The following NRG3 variants were observed in gnomAD, a reference collection of about 807,000 sequenced individuals.
NRG3 encodes the protein pro-neuregulin-3, membrane-bound isoform.
A neutral mutation model predicts 66.9 loss-of-function variants in NRG3; 31 were observed. The observed-to-expected ratio is 0.46, with a 90% CI of 0.35 to 0.63. The LOEUF is 0.63. Ranked by LOEUF, NRG3 falls within the 20% of genes least tolerant of loss-of-function variation. The pLI, the probability that NRG3 is intolerant of heterozygous loss-of-function variation, is 0.00. For missense variants in NRG3, 910 were observed against 878.9 expected (o/e 1.04, Z -0.45); for synonymous variants, 393 against 359.4 (o/e 1.09, Z -1.06).
chr10:82,423,987 G>A (rs1332367432), intron 2 of NRG3, among the ~76,000 whole-genome samples: 1 of 151,944 alleles, frequency 6.6e-6, no homozygotes, highest in Non-Finnish European at 1.5e-5. Flanking sequence ...CCTTTTATGA[G>A]TGAATAATAT....
intron 1 of NRG3, among the ~76,000 whole-genome samples, chr10:81,951,200 G>T (rs1314993293): frequency 1.3e-5 from 2 of 152,098 alleles, no homozygotes; most frequent in Admixed American, 1.3e-4. Flanking sequence ...GCATTGATCA[G>T]GAAGGGCCAA....
chr10:82,028,626 G>T (rs1358760561), intron 1 of NRG3, among the ~76,000 whole-genome samples: 1 of 152,016 alleles, frequency 6.6e-6, no homozygotes, highest in Non-Finnish European at 1.5e-5. Flanking sequence ...ACAGTGCAAA[G>T]CAACATTCTG....
At chr10:82,904,561 C>G (rs1844539598) in intron 4 of NRG3, among the ~76,000 whole-genome samples, 1 of 152,102 alleles carries the variant, frequency 6.6e-6, no homozygotes, top group Admixed American at 6.5e-5. Context: ...TTTGTTGAAA[C>G]AGTATTCCTC....
chr10:81,979,212 AT>A lies in NRG3; in HGVS notation c.823+103052del, dbSNP rs1396181831. Reference sequence around the variant, plus strand: ...CAAAAAAAAAAAAAAAAAAAAAAAAATTTCCTGTCTGTCTGAATTCAGGAAC... The same window carrying A: ...CAAAAAAAAAAAAAAAAAAAAAAAAATTCCTGTCTGTCTGAATTCAGGAAC... On this transcript the variant is annotated intron_variant, in intron 1 of 8. Coordinates refer to ENST00000372141, the MANE Select transcript of NRG3 (RefSeq NM_001010848.4). 3.6e-5 allele frequency among the ~76,000 whole-genome samples: 5 copies of A among 140,322 alleles called. No homozygotes were observed. In the East Asian group the frequency reaches 6.7e-4, roughly 19 times the overall value. 92.1% of individuals were successfully genotyped at this position (140,322 alleles called of 152,430 possible). A position where few individuals can be genotyped will look rare whatever the true frequency, so the allele number is the denominator to read the frequency against.
chr10:82,975,270 C>T lies in NRG3; in HGVS notation c.1412+1355C>T, dbSNP rs1003733317. On this transcript the variant is annotated intron_variant, in intron 7 of 8. Transcript: ENST00000372141. ...GTATTTTCTCCTCCTGATTATGACA[C>T]GTTAAAGTAGTATTCCACCTAGTCA... 3.3e-5 allele frequency among the ~76,000 whole-genome samples: 5 copies of T among 152,252 alleles called. No homozygotes were observed. The East Asian group carries it at 5.8e-4, about 18-fold the overall frequency.
chr10:82,443,848 A>G (rs77451179), intron 2 of NRG3, among the ~76,000 whole-genome samples: 58 of 152,342 alleles, frequency 3.8e-4, no homozygotes, highest in African/African-American at 1.4e-3. Context: ...CTATGATGTG[A>G]TAAACACAGA....
intron 1 of NRG3, among the ~76,000 whole-genome samples, chr10:82,285,056 G>A (rs895733135): frequency 6.6e-6 from 1 of 152,112 alleles, no homozygotes; most frequent in African/African-American, 2.4e-5. Flanking sequence ...TATTTGTTTG[G>A]CTGATGCCAT....
chr10:81,897,730 T>C (rs1006070518), intron 1 of NRG3, among the ~76,000 whole-genome samples: 4 of 152,084 alleles, frequency 2.6e-5, no homozygotes, highest in Non-Finnish European at 2.9e-5. Context: ...GGAATAGACA[T>C]CTATTGAAAG....
chr10:82,160,168 T>G (rs1489515995), intron 1 of NRG3, among the ~76,000 whole-genome samples: 2 of 151,976 alleles, frequency 1.3e-5, no homozygotes, highest in East Asian at 3.9e-4. Context: ...CAATCCATTT[T>G]ACCTACCTAA....
intron 4 of NRG3, among the ~76,000 whole-genome samples, chr10:82,935,535 C>T (rs112133802): frequency 7.4e-4 from 112 of 152,228 alleles, no homozygotes; most frequent in African/African-American, 2.6e-3. Context: ...ATAAACAACG[C>T]CCATGACTTA....
chr10:82,295,973 G>C (rs188296318), intron 1 of NRG3, among the ~76,000 whole-genome samples: 1 of 152,116 alleles, frequency 6.6e-6, no homozygotes, highest in Non-Finnish European at 1.5e-5. Flanking sequence ...ACTATAGTAA[G>C]TGCTGTGAAG....
At chr10:82,321,092 A>G (rs2081544335) in intron 1 of NRG3, among the ~76,000 whole-genome samples, 1 of 152,240 alleles carries the variant, frequency 6.6e-6, no homozygotes, top group Admixed American at 6.5e-5. Context: ...AGCTGTCTGC[A>G]GATAGCAGAG....
At chr10:82,598,365 G>A (rs747162583) in intron 2 of NRG3, among the ~76,000 whole-genome samples, 1 of 152,198 alleles carries the variant, frequency 6.6e-6, no homozygotes, top group African/African-American at 2.4e-5. Context: ...CTGTGTGGAG[G>A]AAGGCTTAAA....
At chr10:82,665,357 G>A in intron 2 of NRG3, among the ~76,000 whole-genome samples, 1 of 152,084 alleles carries the variant, frequency 6.6e-6, no homozygotes, top group Middle Eastern at 3.2e-3. Context: ...ACAATTTTTT[G>A]TAGACACCAT....
chr10:82,800,875 C>T (rs745716830), intron 3 of NRG3, among the ~76,000 whole-genome samples: 4 of 152,100 alleles, frequency 2.6e-5, no homozygotes, highest in Non-Finnish European at 5.9e-5. Context: ...ACAGCTGGTG[C>T]ACAGAGGAGC....
intron 2 of NRG3, among the ~76,000 whole-genome samples, chr10:82,708,121 G>A (rs561340011): frequency 2.0e-5 from 3 of 151,984 alleles, no homozygotes; most frequent in Admixed American, 1.3e-4. Flanking sequence ...TTAATCTTAC[G>A]AATACTCTGC....
chr10:82,132,492 G>GATATATATATC, intron 1 of NRG3, among the ~76,000 whole-genome samples: 1 of 36,942 alleles, frequency 2.7e-5, no homozygotes, highest in South Asian at 6.5e-4. Flanking sequence ...ATATATATAT[G>GATATATATATC]ATATATATAT....
At chr10:82,732,171 C>T (rs1364768637) in intron 2 of NRG3, among the ~76,000 whole-genome samples, 1 of 152,012 alleles carries the variant, frequency 6.6e-6, no homozygotes, top group African/African-American at 2.4e-5. Context: ...CATTATCATT[C>T]TTTAGTGACA....
At chr10:82,340,333 C>A (rs2082621640) in intron 1 of NRG3, among the ~76,000 whole-genome samples, 1 of 152,202 alleles carries the variant, frequency 6.6e-6, no homozygotes, top group Non-Finnish European at 1.5e-5. Flanking sequence ...AGTGCCCTCT[C>A]CACGAACTCT....
Sources: allele counts gnomAD v4.1 joint callset (sites outside exome capture counted in the v4.1 genomes callset), GRCh38; gene constraint gnomAD v4.1.1; transcripts MANE v1.5; gene names NCBI Gene and HGNC (gene_info 2026-07-23, HGNC 2026-07-21).